Variants in GOLGA4 observed in about 807,000 individuals in gnomAD.
GOLGA4 encodes the protein golgin A4.
In GOLGA4, 169 loss-of-function variants were observed where a neutral mutation model predicts 265.9. The observed-to-expected ratio is 0.64, with a 90% CI of 0.56 to 0.72. The LOEUF is 0.72. Among genes scored for constraint, GOLGA4 ranks in the 30% least tolerant of loss-of-function variants. The pLI, the probability that GOLGA4 is intolerant of heterozygous loss-of-function variation, is 0.00. For missense variants in GOLGA4, 2,482 were observed against 2,483.4 expected, an observed-to-expected ratio of 1.00 and a Z score of 0.01; for synonymous variants, 923 against 855.8, an observed-to-expected ratio of 1.08 and a Z score of -1.37.
At chr3:37,246,284 G>A (rs1357058674) in intron 1 of GOLGA4, among the ~76,000 whole-genome samples, 2 of 149,208 alleles carry the variant, frequency 1.3e-5, no homozygotes, top group Non-Finnish European at 3.0e-5. Flanking sequence ...TCCAGCCTGG[G>A]AGACAGAGCG....
chr3:37,315,278 G>T, intron 10 of GOLGA4, 142 bp from the exon 11 acceptor site: 1 of 692,410 alleles, frequency 1.4e-6, no homozygotes, highest in South Asian at 2.1e-5. Flanking sequence ...AACAACTCCA[G>T]TATCTCTTGG....
chr3:37,363,687 G>A (rs1471326264), intron 23 of GOLGA4, among the ~76,000 whole-genome samples: 6 of 152,204 alleles, frequency 3.9e-5, no homozygotes, highest in African/African-American at 1.4e-4. Flanking sequence ...ATACAGTACA[G>A]TTATTACACT....
At chr3:37,273,431 G>A (rs2096804312) in intron 2 of GOLGA4, 1 of 644,692 alleles carries the variant, frequency 1.6e-6, no homozygotes. Flanking sequence ...TTGTTTAATA[G>A]ATAAATGTAT....
chr3:37,243,726 C>T lies in GOLGA4; in HGVS notation c.72+104C>T, dbSNP rs901081870. The T allele has an allele frequency of 1.1e-5, 10 of 926,664 alleles. No individual in the cohort carries two copies. The African/African-American group carries it at 1.2e-4, about 11-fold the overall frequency. The allele number at this position is 926,664 out of a possible 1,614,324, so 57.4% of individuals were successfully genotyped here. A position where few individuals can be genotyped will look rare whatever the true frequency, so the allele number is the denominator to read the frequency against. The stretch of plus-strand genomic sequence containing the variant: ...GGGGAAGTTCTTCCGTGACCTTTAA[C>T]CCCTAACCCGCACTTTTCCCAAACT... On this transcript the variant is annotated intron_variant, in intron 1 of 23. Transcript: ENST00000361924.
intron 23 of GOLGA4, among the ~76,000 whole-genome samples, chr3:37,365,118 A>G (rs956626000): frequency 1.3e-5 from 2 of 151,930 alleles, no homozygotes; most frequent in African/African-American, 4.8e-5. Context: ...GCTGTTTTTA[A>G]TTTTTAAATT....
At chr3:37,337,855 ATT>A (rs1375246236) in intron 19 of GOLGA4, 121 bp downstream of exon 19, 1 of 632,708 alleles carries the variant, frequency 1.6e-6, no homozygotes, top group Non-Finnish European at 2.9e-6. Context: ...AGGAAATTTT[ATT>A]TCCAAATCCA....
Position 37,327,266 on chromosome 3 carries a change from A to G in GOLGA4, c.5380A>G (p.Ile1794Val). The G allele has an allele frequency of 6.2e-7, 1 of 1,613,648 alleles. No individual in the cohort carries two copies. Among genetic ancestry groups the G allele is most frequent in the African/African-American group, 1.3e-5 (1 of 75,042 alleles). Residue 1794 changes from isoleucine to valine, a missense_variant, in exon 14 of 24, where the codon ATA becomes GTA. This residue lies in a region of GOLGA4 where 942 missense variants were observed against 983.1 expected (regional missense o/e 0.96). Coordinates refer to ENST00000361924, the MANE Select transcript of GOLGA4 (RefSeq NM_002078.5). Reference protein sequence around the residue: ...EAKQHEDQSMIGHLQEELEEK... With the variant: ...EAKQHEDQSMVGHLQEELEEK... The stretch of plus-strand genomic sequence containing the variant: ...AAAGCAACATGAAGATCAAAGTATG[A>G]TAGGTCATCTTCAAGAGGAGCTTGA...
intron 2 of GOLGA4, among the ~76,000 whole-genome samples, chr3:37,281,234 T>C (rs2096833825): frequency 6.6e-6 from 1 of 152,234 alleles, no homozygotes; most frequent in African/African-American, 2.4e-5. Flanking sequence ...TATCACTGTC[T>C]AACATTGGAG....
chr3:37,299,876 C>T (rs2096888232), intron 9 of GOLGA4, among the ~76,000 whole-genome samples: 1 of 148,596 alleles, frequency 6.7e-6, no homozygotes, highest in South Asian at 2.1e-4. Context: ...AAAGCAAGAC[C>T]TCCTCTCTAC....
chr3:37,342,935 T>G (rs966013443), intron 20 of GOLGA4, among the ~76,000 whole-genome samples: 9 of 152,226 alleles, frequency 5.9e-5, no homozygotes, highest in African/African-American at 2.2e-4. Flanking sequence ...AGTCTCGCTC[T>G]GTTGCCCAGG....
At chr3:37,259,146 T>C (rs1158697219) in intron 2 of GOLGA4, among the ~76,000 whole-genome samples, 1 of 152,198 alleles carries the variant, frequency 6.6e-6, no homozygotes, top group African/African-American at 2.4e-5. Context: ...TAATTCAGTA[T>C]CTACTTTTTA....
At chr3:37,337,202 C>A in intron 18 of GOLGA4, 39 bp downstream of exon 18, 41 of 939,328 alleles carry the variant, frequency 4.4e-5, no homozygotes, top group East Asian at 8.7e-5. Context: ...TCTTTTTTTT[C>A]TTTGAGACAG....
intron 4 of GOLGA4, among the ~76,000 whole-genome samples, chr3:37,286,441 C>T (rs1420273233): frequency 6.6e-6 from 1 of 152,092 alleles, no homozygotes; most frequent in Non-Finnish European, 1.5e-5. Context: ...GCGTGAGCCA[C>T]CGCGCCCGGC....
At chr3:37,279,017 TGTTGA>T (rs1181994559) in intron 2 of GOLGA4, among the ~76,000 whole-genome samples, 1 of 152,250 alleles carries the variant, frequency 6.6e-6, no homozygotes, top group East Asian at 1.9e-4. Context: ...AAAAGTTGAT[TGTTGA>T]GTTTAGCAAA....
chr3:37,285,768 A>G (rs1398047848), intron 3 of GOLGA4, among the ~76,000 whole-genome samples: 1 of 152,246 alleles, frequency 6.6e-6, no homozygotes, highest in Non-Finnish European at 1.5e-5. Context: ...TGAATTAGGT[A>G]CTGAAATTTA....
At chr3:37,247,606 C>T (rs186542437) in intron 1 of GOLGA4, among the ~76,000 whole-genome samples, 1 of 152,302 alleles carries the variant, frequency 6.6e-6, no homozygotes, top group East Asian at 1.9e-4. Context: ...AACCTTAGTG[C>T]CTAATAACCC....
intron 16 of GOLGA4, among the ~76,000 whole-genome samples, chr3:37,332,637 T>C (rs1363226125): frequency 6.6e-6 from 1 of 152,170 alleles, no homozygotes; most frequent in Non-Finnish European, 1.5e-5. Flanking sequence ...GGAGGCGGTA[T>C]ACATGTATAA....
chr3:37,303,092 G>A (rs548063494), intron 10 of GOLGA4, among the ~76,000 whole-genome samples: 15 of 152,366 alleles, frequency 9.8e-5, no homozygotes, highest in South Asian at 2.1e-4. Context: ...ATCATAGTGG[G>A]TGTGTGAATC....
intron 1 of GOLGA4, among the ~76,000 whole-genome samples, chr3:37,248,010 C>G (rs755912577): frequency 1.8e-4 from 28 of 152,286 alleles, no homozygotes; most frequent in African/African-American, 6.5e-4. Context: ...AACCTAGTAA[C>G]CTTAAATATG....
Sources: gnomAD v4.1 joint callset for allele counts (sites outside exome capture counted in the v4.1 genomes callset) on GRCh38, gnomAD v4.1.1 for gene constraint, gnomAD v4.1.1 regional missense constraint, MANE v1.5 for transcripts, NCBI Gene and HGNC (gene_info 2026-07-23, HGNC 2026-07-21) for gene names.